Variants in MYO3A observed in about 807,000 individuals in gnomAD.
MYO3A encodes myosin-IIIa.
A neutral mutation model predicts 192.7 loss-of-function variants in MYO3A; 180 were observed. The ratio of observed to expected loss-of-function variants is 0.93; its 90% confidence interval spans 0.83 to 1.06. MYO3A has a LOEUF of 1.06. MYO3A is among the 50% of genes least tolerant of loss of function. The pLI, the probability that MYO3A is intolerant of heterozygous loss-of-function variation, is 0.00. For synonymous variants in MYO3A, 628 were observed against 645.3 expected (o/e 0.97, Z 0.41); for missense variants, 1,896 against 1,905.0 (o/e 1.00, Z 0.09).
At chr10:26,048,550 T>C (rs575666812) in intron 10 of MYO3A, among the ~76,000 whole-genome samples, 2,294 of 120,742 alleles carry the variant, frequency 0.019, 71 homozygotes, top group African/African-American at 0.059. Flanking sequence ...CATACATATA[T>C]ACATATGTGT....
At chr10:26,044,649 T>C (rs1274718072) in intron 10 of MYO3A, among the ~76,000 whole-genome samples, 1 of 152,164 alleles carries the variant, frequency 6.6e-6, no homozygotes, top group African/African-American at 2.4e-5. Flanking sequence ...TTTGACCCAG[T>C]AGCAAAGCCT....
Position 26,212,269 on chromosome 10 carries a change from T to C in MYO3A, c.*306T>C. Reference sequence around the variant, plus strand: ...GTTCCCCTAATCTATCACTTTGTTCTTTTTTTTTGTGACTCCTGTGGACTC... The same window carrying C: ...GTTCCCCTAATCTATCACTTTGTTCCTTTTTTTTGTGACTCCTGTGGACTC... On this transcript the variant is annotated 3_prime_UTR_variant, in exon 35 of 35. Coordinates refer to ENST00000642920, the MANE Select transcript of MYO3A (RefSeq NM_017433.5). The C allele has an allele frequency of 2.4e-6, 1 of 421,718 alleles. No homozygotes were observed. Among genetic ancestry groups the C allele is most frequent in the Non-Finnish European group, 4.2e-6 (1 of 239,114 alleles). The allele number at this position is 421,718 out of a possible 1,614,324, so 26.1% of individuals were successfully genotyped here. A position where few individuals can be genotyped will look rare whatever the true frequency, so the allele number is the denominator to read the frequency against.
intron 10 of MYO3A, among the ~76,000 whole-genome samples, chr10:26,040,880 G>C (rs373892844): frequency 1.9e-4 from 29 of 152,212 alleles, no homozygotes; most frequent in African/African-American, 6.3e-4. Flanking sequence ...GCCATTGGAT[G>C]AATGTTCTAT....
At chr10:25,974,298 T>C (rs1838845287) in intron 4 of MYO3A, among the ~76,000 whole-genome samples, 1 of 152,206 alleles carries the variant, frequency 6.6e-6, no homozygotes, top group African/African-American at 2.4e-5. Context: ...AATAATTTTT[T>C]AAAAGGTATA....
In MYO3A at chr10:26,166,119, A is replaced by G; in HGVS notation, c.3052A>G (p.Thr1018Ala). ...CGAGGAGCCCCGCATGAGCCCTGAC[A>G]CCTGTGCCACCATTTTGGAAAAAGC... The part of the protein sequence containing the change: ...SSEEPRMSPD[T>A]CATILEKAGL... Residue 1018 changes from threonine (T) to alanine (A), a missense_variant, in exon 27 of 35, where the codon ACC becomes GCC. Transcript: ENST00000642920. The G allele has an allele frequency of 1.2e-6, 2 of 1,614,112 alleles. No individual in the cohort carries two copies. Among genetic ancestry groups the G allele is most frequent in the Non-Finnish European group, 1.7e-6 (2 of 1,180,034 alleles).
chr10:26,087,941 T>C (rs967218781), intron 14 of MYO3A, among the ~76,000 whole-genome samples: 4 of 152,212 alleles, frequency 2.6e-5, no homozygotes, highest in African/African-American at 9.7e-5. Flanking sequence ...TTATAAATTA[T>C]GTTTGTAAAT....
chr10:26,048,004 G>T (rs1843731468), intron 10 of MYO3A, among the ~76,000 whole-genome samples: 1 of 152,184 alleles, frequency 6.6e-6, no homozygotes, highest in Admixed American at 6.5e-5. Context: ...TATATCAAAG[G>T]CCTTAGTAAT....
rs35010955 is a variant in MYO3A at position 26,021,541 on chromosome 10, C to T, written c.624C>T (p.Asp208=). ...AACAGCAATTGGATACCACTTATGA[C>T]GCCAGATGTGACACTTGGTCCCTGG... is the stretch of plus-strand genomic sequence containing the variant. The part of the protein sequence containing the change: ...ACEQQLDTTY[D]ARCDTWSLGI... The change falls in exon 8 of 35, where the codon GAC becomes GAT. Residue 208 remains aspartate (D), a synonymous_variant. Transcript: ENST00000642920. 137,372 of 1,613,856 alleles carry T rather than the reference C, an allele frequency of 0.085. 6,413 individuals are homozygous for T. The highest frequency in any genetic ancestry group is 0.096 in the Non-Finnish European group (112,672 of 1,179,798).
chr10:26,017,072 A>G (rs1460235666), intron 7 of MYO3A, among the ~76,000 whole-genome samples, 176 bp downstream of exon 7: 1 of 152,226 alleles, frequency 6.6e-6, no homozygotes, highest in Non-Finnish European at 1.5e-5. Context: ...TGGTCAATAA[A>G]TGGGCTGTGA....
intron 14 of MYO3A, 119 bp from the exon 15 acceptor site, chr10:26,088,084 C>A: frequency 1.3e-6 from 1 of 799,332 alleles, no homozygotes; most frequent in Non-Finnish European, 1.9e-6. Context: ...GCCAATATAT[C>A]AGGAACATGC....
chr10:26,106,326 A>G (rs189567870), intron 17 of MYO3A, among the ~76,000 whole-genome samples: 79 of 152,200 alleles, frequency 5.2e-4, no homozygotes, highest in African/African-American at 1.8e-3. Flanking sequence ...ATAATAATCT[A>G]TACTTATATT....
intron 10 of MYO3A, among the ~76,000 whole-genome samples, chr10:26,057,188 T>C (rs918357222): frequency 6.6e-6 from 1 of 152,196 alleles, no homozygotes; most frequent in Non-Finnish European, 1.5e-5. Flanking sequence ...TGAATTAAGA[T>C]TGTCCTTTGA....
intron 4 of MYO3A, among the ~76,000 whole-genome samples, chr10:25,960,223 T>C (rs1298366904): frequency 1.3e-5 from 2 of 152,166 alleles, no homozygotes; most frequent in Non-Finnish European, 2.9e-5. Context: ...GAAATAAATT[T>C]ATATATTTCA....
intron 7 of MYO3A, among the ~76,000 whole-genome samples, chr10:26,018,167 T>A (rs1003568635): frequency 2.6e-5 from 4 of 152,006 alleles, no homozygotes; most frequent in South Asian, 2.1e-4. Flanking sequence ...TTATTATTAA[T>A]AAACCTATAG....
intron 24 of MYO3A, among the ~76,000 whole-genome samples, chr10:26,154,177 TTTTG>T (rs992278783): frequency 5.9e-5 from 9 of 152,036 alleles, no homozygotes; most frequent in Non-Finnish European, 7.4e-5. Context: ...CAGTTTTTGT[TTTTG>T]TTTGTTTGTT....
Position 26,026,399 on chromosome 10 carries a change from A to T in MYO3A, c.820A>T (p.Lys274Ter), listed in dbSNP as rs1182256110. 12 of 1,614,018 alleles carry T rather than the reference A, an allele frequency of 7.4e-6. No individual in the cohort carries two copies. The highest frequency in any genetic ancestry group is 1.0e-5 in the Non-Finnish European group (12 of 1,180,002). ...ISKCLTKDYE[K>*]RPTVSELLQH... is the part of the protein sequence containing the mutation. ...CAGGTGCTTGACTAAAGATTATGAA[A>T]AGCGTCCAACAGTGTCAGAACTTTT... Residue 274 changes from lysine (K) to a stop codon, truncating the protein, a stop_gained, in exon 10 of 35, where the codon AAG (lysine) becomes TAG (stop). Coordinates refer to ENST00000642920, the MANE Select transcript of MYO3A (RefSeq NM_017433.5). LOFTEE classifies it high-confidence loss of function.
chr10:25,959,229 A>G (rs1837762624), intron 4 of MYO3A, among the ~76,000 whole-genome samples: 1 of 152,068 alleles, frequency 6.6e-6, no homozygotes, highest in Non-Finnish European at 1.5e-5. Flanking sequence ...TGTTTTTTGT[A>G]TGTTTAAATT....
At chr10:26,159,873 A>G (rs1841394881) in intron 26 of MYO3A, among the ~76,000 whole-genome samples, 1 of 152,176 alleles carries the variant, frequency 6.6e-6, no homozygotes, top group Non-Finnish European at 1.5e-5. Flanking sequence ...GCAGCTAATC[A>G]TCAACTTTAC....
chr10:25,961,516 T>G (rs903297986), intron 4 of MYO3A, among the ~76,000 whole-genome samples: 23 of 152,100 alleles, frequency 1.5e-4, no homozygotes, highest in African/African-American at 5.6e-4. Context: ...TTTGTCCTTA[T>G]AATTTATTAT....
Sources: allele counts gnomAD v4.1 joint callset (sites outside exome capture counted in the v4.1 genomes callset), GRCh38; gene constraint gnomAD v4.1.1; transcripts MANE v1.5; gene names NCBI Gene and HGNC (gene_info 2026-07-23, HGNC 2026-07-21).